Variants in TDRD1 observed in about 807,000 individuals in gnomAD.
TDRD1 encodes the protein tudor domain containing 1.
In TDRD1, 37 loss-of-function variants were observed where a neutral mutation model predicts 140.6. The observed-to-expected ratio is 0.26, with a 90% CI of 0.20 to 0.35. TDRD1 has a LOEUF of 0.35. Among genes scored for constraint, TDRD1 ranks in the 10% least tolerant of loss-of-function variants. The pLI is 1.00. For synonymous variants in TDRD1, 506 were observed against 475.7 expected (o/e 1.06, Z -0.83); for missense variants, 1,243 against 1,393.0 (o/e 0.89, Z 1.71).
Position 114,217,580 on chromosome 10 carries a change from G to A in TDRD1, c.2248G>A (p.Ala750Thr), listed in dbSNP as rs375654487. Residue 750 changes from alanine (A) to threonine (T), a missense_variant, in exon 17 of 26, where the codon GCA (alanine) becomes ACA (threonine). Around this residue, in one of 5 missense-constraint regions of TDRD1, gnomAD observed 601 missense variants for 734.7 expected, o/e 0.82. Transcript: ENST00000251864. Reference sequence around the variant, plus strand: ...ACTCAATGATTTGAACAAGTCATTAGCAGAACACTGCCAGCAGAAGTTACC... The same window carrying A: ...ACTCAATGATTTGAACAAGTCATTAACAGAACACTGCCAGCAGAAGTTACC... 9.6e-5 allele frequency: 154 copies of A among 1,603,370 alleles called. No individual in the cohort carries two copies. Among genetic ancestry groups the A allele is most frequent in the Non-Finnish European group, 1.3e-4 (148 of 1,175,464 alleles).
chr10:114,228,173 T>C, intron 25 of TDRD1: 1 of 1,519,744 alleles, frequency 6.6e-7, no homozygotes, highest in East Asian at 2.4e-5. Context: ...TGATCACCAA[T>C]AGGACATCTT....
Position 114,228,016 on chromosome 10 carries a change from ATGGT to A in TDRD1, c.3451-20_3451-17del, listed in dbSNP as rs759373706. The stretch of plus-strand genomic sequence containing the variant: ...CTAACGTTTTTAGAAATTAAATCAT[ATGGT>A]TTCTTTTTCACCCACAGGTTGAAAA... On this transcript the variant is annotated intron_variant, in intron 24 of 25. Transcript: ENST00000251864. 58 of 1,610,440 alleles carry A rather than the reference ATGGT, an allele frequency of 3.6e-5. No individual in the cohort carries two copies. In the East Asian group the frequency reaches 1.2e-3, roughly 33 times the overall value.
Position 114,222,695 on chromosome 10 carries a change from A to G in TDRD1, c.2999A>G (p.Lys1000Arg), listed in dbSNP as rs765128434. 1.9e-6 allele frequency: 3 copies of G among 1,588,380 alleles called. 1 individual carries two copies. The South Asian group carries it at 3.3e-5, about 18-fold the overall frequency. ...AGAATTGGAGACGCATGCTGTGCCA[A>G]ATACACAAGTAAGGTTCTTTTAGGG... Residue 1000 changes from lysine (K) to arginine (R), a missense_variant, in exon 21 of 26, where the codon AAA becomes AGA. Around this residue, in one of 5 missense-constraint regions of TDRD1, gnomAD observed 601 missense variants for 734.7 expected, o/e 0.82. Coordinates refer to ENST00000251864, the Ensembl canonical transcript of TDRD1.
chr10:114,227,342 G>A, intron 23 of TDRD1, 43 bp downstream of exon 23: 1 of 1,339,802 alleles, frequency 7.5e-7, no homozygotes. Context: ...TTAAGTGTGA[G>A]GAATAACAGA....
intron 10 of TDRD1, among the ~76,000 whole-genome samples, chr10:114,205,632 T>G (rs751479660): frequency 1.4e-4 from 22 of 152,188 alleles, no homozygotes; most frequent in Admixed American, 1.4e-3. Context: ...AACAAATCTT[T>G]CGTGTTCTTC....
chr10:114,207,212 T>C (rs1460292908), intron 11 of TDRD1, among the ~76,000 whole-genome samples: 2 of 152,236 alleles, frequency 1.3e-5, no homozygotes, highest in African/African-American at 2.4e-5. Context: ...TCATTGTCTC[T>C]TACTCATTCA....
chr10:114,213,283 T>A lies in TDRD1; in HGVS notation c.1832-63T>A, dbSNP rs886086560. ...TTCTTAAGTTTACCTTGGGGGAAAT[T>A]AGGAGCTAAATTTCTAAATGCTTTC... On this transcript the variant is annotated intron_variant, in intron 14 of 25. Transcript: ENST00000251864. The A allele has an allele frequency of 2.0e-6, 3 of 1,489,510 alleles. No individual in the cohort carries two copies. The African/African-American group carries it at 4.2e-5, about 21-fold the overall frequency. The allele number at this position is 1,489,510 out of a possible 1,614,324, so 92.3% of individuals were successfully genotyped here.
At chr10:114,212,184 G>A in intron 14 of TDRD1, 148 bp downstream of exon 14, 1 of 694,766 alleles carries the variant, frequency 1.4e-6, no homozygotes, top group Non-Finnish European at 2.2e-6. Context: ...TTATCCCAAA[G>A]AAATCAGAGA....
intron 15 of TDRD1, among the ~76,000 whole-genome samples, 192 bp from the exon 16 acceptor site, chr10:114,213,785 G>T (rs1164396941): frequency 6.6e-6 from 1 of 152,176 alleles, no homozygotes. Flanking sequence ...AGCAGCTGAT[G>T]ATCAGAAATG....
At position 114,204,709 on chromosome 10, in the gene TDRD1, TA is replaced by T. The variant is rs761598260; in HGVS notation, c.1126-9del. ...TGGTAATTTTTGTAAGTAACCTGCG[TA>T]AAATTTTTCAGGCCATAAAGTGCTT... On this transcript the variant is annotated splice_polypyrimidine_tract_variant and intron_variant, in intron 9 of 25. Coordinates refer to ENST00000251864, the Ensembl canonical transcript of TDRD1. The T allele has an allele frequency of 2.6e-6, 4 of 1,565,188 alleles. No individual in the cohort carries two copies. The highest frequency in any genetic ancestry group is 3.4e-6 in the Non-Finnish European group (4 of 1,165,880).
At chr10:114,190,147 T>G (rs2033854830) in intron 2 of TDRD1, among the ~76,000 whole-genome samples, 1 of 152,172 alleles carries the variant, frequency 6.6e-6, no homozygotes, top group Non-Finnish European at 1.5e-5. Context: ...AGGCAAAAGC[T>G]GTATATGAAT....
At chr10:114,223,430 G>A (rs1018447234) in intron 21 of TDRD1, among the ~76,000 whole-genome samples, 2 of 152,222 alleles carry the variant, frequency 1.3e-5, no homozygotes, top group Non-Finnish European at 2.9e-5. Flanking sequence ...TCAATCTTGG[G>A]CTCCAGTGGC....
intron 23 of TDRD1, 94 bp from the exon 24 acceptor site, chr10:114,227,816 C>T (rs2036526056): frequency 1.0e-6 from 1 of 962,522 alleles, no homozygotes; most frequent in Non-Finnish European, 1.6e-6. Flanking sequence ...AACCCATGCG[C>T]AAGGGGGAGA....
chr10:114,198,184 C>T (rs2034496372), intron 3 of TDRD1, among the ~76,000 whole-genome samples: 1 of 152,164 alleles, frequency 6.6e-6, no homozygotes, highest in Non-Finnish European at 1.5e-5. Flanking sequence ...TACAGCTCCC[C>T]ATCTGGTCTC....
rs1168603623 is a variant in TDRD1 at position 114,191,581 on chromosome 10, G to A, written c.384+562G>A. 2.0e-5 allele frequency among the ~76,000 whole-genome samples: 3 copies of A among 152,156 alleles called. No individual in the cohort carries two copies. In the East Asian group the frequency reaches 5.8e-4, roughly 29 times the overall value. The stretch of plus-strand genomic sequence containing the variant: ...ATCGTTCTATCCTTTTTATTGCTGA[G>A]TAGTATTCCATGGTATGGACAACTT... On this transcript the variant is annotated intron_variant, in intron 3 of 25. Coordinates refer to ENST00000251864, the Ensembl canonical transcript of TDRD1.
At chr10:114,186,162 TTGTC>T (rs1338979783) in intron 1 of TDRD1, among the ~76,000 whole-genome samples, 3 of 152,180 alleles carry the variant, frequency 2.0e-5, no homozygotes, top group African/African-American at 4.8e-5. Context: ...CTGTTTCTGT[TTGTC>T]TGGGAGTTAC....
chr10:114,216,880 C>G (rs967459017), intron 16 of TDRD1, among the ~76,000 whole-genome samples: 3 of 152,142 alleles, frequency 2.0e-5, no homozygotes, highest in Non-Finnish European at 4.4e-5. Context: ...TCTTAAAAGG[C>G]ATTTGCTTTT....
Position 114,204,872 on chromosome 10 carries a change from GAAGTTGAGCTGCCAAATTC to G in TDRD1, c.1278_1296del (p.Val427GlufsTer4). ...AGAGGAAGTGGTTACCTTTGCTGTAGAAGTTGAGCTGCCAAATTCAGGTAAGATCTGTCTTTTTAAATTG... is the reference window on the plus strand; with the variant it reads ...AGAGGAAGTGGTTACCTTTGCTGTAGAGGTAAGATCTGTCTTTTTAAATTG... On this transcript the variant is annotated frameshift_variant and splice_region_variant, in exon 10 of 26. Coordinates refer to ENST00000251864, the Ensembl canonical transcript of TDRD1. LOFTEE classifies it high-confidence loss of function. The G allele has an allele frequency of 6.3e-7, 1 of 1,590,594 alleles. No individual in the cohort carries two copies. Among genetic ancestry groups the G allele is most frequent in the Non-Finnish European group, 8.5e-7 (1 of 1,172,224 alleles).
chr10:114,226,272 TTA>T lies in TDRD1; in HGVS notation c.3175+58_3175+59del, dbSNP rs930838730. 3.2e-6 allele frequency: 4 copies of T among 1,269,360 alleles called. No homozygotes were observed. The East Asian group carries it at 9.8e-5, about 31-fold the overall frequency. 78.6% of individuals were successfully genotyped at this position (1,269,360 alleles called of 1,614,324 possible). A position where few individuals can be genotyped will look rare whatever the true frequency, so the allele number is the denominator to read the frequency against. ...TTTCTGGGTATTTTTTTTTTCCTCT[TTA>T]TGTTTCATAGCTCTAAGTCGGAATC... On this transcript the variant is annotated intron_variant, in intron 22 of 25. Coordinates refer to ENST00000251864, the Ensembl canonical transcript of TDRD1.
Sources: gnomAD v4.1 joint callset for allele counts (sites outside exome capture counted in the v4.1 genomes callset) on GRCh38, gnomAD v4.1.1 for gene constraint, gnomAD v4.1.1 regional missense constraint, MANE v1.5 for transcripts, NCBI Gene and HGNC (gene_info 2026-07-23, HGNC 2026-07-21) for gene names.